Variants in LAMA1 observed in about 807,000 individuals in gnomAD.
LAMA1 encodes laminin subunit alpha-1.
Under a neutral mutation model 348.7 loss-of-function variants are expected in LAMA1, and 219 were observed. The ratio of observed to expected loss-of-function variants is 0.63; its 90% CI spans 0.56 to 0.70. The LOEUF is 0.70. Ranked by LOEUF, LAMA1 falls within the 30% of genes least tolerant of loss-of-function variation. The probability of loss-of-function intolerance (pLI) is 0.00; values close to 1 mark genes in which losing one functional copy is unlikely to be tolerated. For synonymous variants in LAMA1, 1,487 were observed against 1,491.0 expected (o/e 1.00, Z 0.06); for missense variants, 3,744 against 3,888.0 (o/e 0.96, Z 0.99).
intron 30 of LAMA1, among the ~76,000 whole-genome samples, chr18:7,001,265 G>A (rs1290509701): frequency 1.3e-5 from 2 of 151,994 alleles, no homozygotes; most frequent in Non-Finnish European, 2.9e-5. Flanking sequence ...TTCACTCTAG[G>A]AATGTAACAC....
Position 7,008,361 on chromosome 18 carries a change from T to C in LAMA1, c.4122+127A>G, listed in dbSNP as rs2057842702. The C allele has an allele frequency of 7.1e-6, 8 of 1,123,338 alleles. No homozygotes were observed. In the Admixed American group the frequency reaches 1.8e-4, roughly 26 times the overall value. 69.6% of individuals were successfully genotyped at this position (1,123,338 alleles called of 1,614,324 possible). A position where few individuals can be genotyped will look rare whatever the true frequency, so the allele number is the denominator to read the frequency against. ...TACATTTTACCAAAATTAATTTCTT[T>C]TTAATTCAAAAAGAGAAAAAAATGA... is the stretch of plus-strand genomic sequence containing the variant. On this transcript the variant is annotated intron_variant, in intron 28 of 62. Coordinates refer to ENST00000389658, the MANE Select transcript of LAMA1 (RefSeq NM_005559.4).
intron 3 of LAMA1, among the ~76,000 whole-genome samples, chr18:7,063,776 C>T (rs1043447372): frequency 5.3e-5 from 8 of 152,086 alleles, no homozygotes; most frequent in Non-Finnish European, 8.8e-5. Flanking sequence ...AATATGATTC[C>T]ACTTATGTAA....
chr18:7,101,840 A>ATT (rs34199422), intron 1 of LAMA1, among the ~76,000 whole-genome samples: 4 of 131,756 alleles, frequency 3.0e-5, no homozygotes, highest in Non-Finnish European at 4.8e-5. Flanking sequence ...GCTAATTTCT[A>ATT]TTTTTTTTTT....
chr18:7,106,581 A>G (rs1291512411), intron 1 of LAMA1, among the ~76,000 whole-genome samples: 3 of 151,964 alleles, frequency 2.0e-5, no homozygotes, highest in African/African-American at 7.2e-5. Flanking sequence ...GATGGTTTCG[A>G]GCTCTTGACC....
chr18:7,033,846 T>G (rs2057982444), intron 14 of LAMA1, among the ~76,000 whole-genome samples: 1 of 152,114 alleles, frequency 6.6e-6, no homozygotes, highest in Non-Finnish European at 1.5e-5. Context: ...ATGATTCTCA[T>G]GCCTCAGCCT....
intron 16 of LAMA1, among the ~76,000 whole-genome samples, chr18:7,027,339 T>C (rs569016894): frequency 4.2e-4 from 63 of 148,714 alleles, no homozygotes; most frequent in Middle Eastern, 7.2e-3. Flanking sequence ...AAAAACATAC[T>C]ATAATTAGAT....
intron 1 of LAMA1, among the ~76,000 whole-genome samples, chr18:7,099,032 A>C (rs974791706): frequency 7.2e-5 from 11 of 152,030 alleles, no homozygotes; most frequent in East Asian, 3.9e-4. Flanking sequence ...GAAAGGGGGG[A>C]AAGGCGGGGA....
At chr18:7,011,879 T>C (rs1321286023) in intron 24 of LAMA1, 116 bp downstream of exon 24, 11 of 1,269,538 alleles carry the variant, frequency 8.7e-6, no homozygotes, top group Non-Finnish European at 1.2e-5. Flanking sequence ...CTTCCTAGAA[T>C]TTTGGATGCC....
rs62619829 is a variant in LAMA1, at chr18:7,040,198, T to C, written c.1300A>G (p.Thr434Ala). Reference protein sequence around the residue: ...PGQCPCKEGYTGEKCDRCQLG... With the variant: ...PGQCPCKEGYAGEKCDRCQLG... ...TGGCAGCGATCACATTTTTCTCCTG[T>C]ATAACCTTCCTTACATGGGCACTGA... is the stretch of plus-strand genomic sequence containing the variant. The change falls in exon 10 of 63, where the codon ACA (threonine) becomes GCA (alanine). Residue 434 changes from threonine (T) to alanine (A), a missense_variant. Around this residue, in one of 3 missense-constraint regions of LAMA1, gnomAD observed 1,529 missense variants for 1,689.4 expected, o/e 0.91. Transcript: ENST00000389658. 2.5e-3 allele frequency: 3,998 copies of C among 1,614,078 alleles called. 74 individuals are homozygous for C. The African/African-American group carries it at 0.044, about 18-fold the overall frequency.
intron 1 of LAMA1, among the ~76,000 whole-genome samples, chr18:7,082,181 T>C (rs2058195746): frequency 6.6e-6 from 1 of 152,166 alleles, no homozygotes. Flanking sequence ...AAGGACCCCA[T>C]TCTGTCAATA....
intron 62 of LAMA1, 34 bp downstream of exon 62, chr18:6,943,146 C>T (rs779973880): frequency 3.2e-6 from 5 of 1,572,806 alleles, no homozygotes; most frequent in East Asian, 2.2e-5. Flanking sequence ...GGACAGTGCC[C>T]CTTTTGAGTG....
rs2057582372 is a variant in LAMA1, at chr18:6,957,035, C to T, written c.7965-270G>A. 6.9e-6 allele frequency: 3 copies of T among 432,588 alleles called. No individual in the cohort carries two copies. In the Admixed American group the frequency reaches 1.0e-4, roughly 15 times the overall value. 26.8% of individuals were successfully genotyped at this position (432,588 alleles called of 1,614,324 possible). A position where few individuals can be genotyped will look rare whatever the true frequency, so the allele number is the denominator to read the frequency against. On this transcript the variant is annotated intron_variant, in intron 55 of 62. Transcript: ENST00000389658. ...CATTCCTGAGCACCCCCCAGGTCAGCTCCGATGCCATCGCCTCCTCCTGCA... is the reference window on the plus strand; with the variant it reads ...CATTCCTGAGCACCCCCCAGGTCAGTTCCGATGCCATCGCCTCCTCCTGCA...
chr18:6,993,717 A>T lies in LAMA1; in HGVS notation c.4932T>A (p.Asn1644Lys). ...CCTTGAAGATTCTCTCAGTTGCCCT[A>T]TTCACCTTTTGGGTACTCGCTAACA... The part of the protein sequence containing the change: ...TRMLASTQKV[N>K]RATERIFKES... The change falls in exon 35 of 63, where the codon AAT becomes AAA. Residue 1644 changes from asparagine to lysine, a missense_variant. Asn to Lys is a moderately conservative substitution (Grantham distance 94, BLOSUM62 0). Around this residue, in one of 3 missense-constraint regions of LAMA1, gnomAD observed 1,983 missense variants for 1,934.3 expected, o/e 1.03. Coordinates refer to ENST00000389658, the MANE Select transcript of LAMA1 (RefSeq NM_005559.4). 6.2e-7 allele frequency: 1 copy of T among 1,614,042 alleles called. No individual in the cohort carries two copies. The highest frequency in any genetic ancestry group is 8.5e-7 in the Non-Finnish European group (1 of 1,179,922).
chr18:7,000,682 C>T (rs1260990227), intron 30 of LAMA1, among the ~76,000 whole-genome samples: 3 of 152,118 alleles, frequency 2.0e-5, no homozygotes. Flanking sequence ...ACCAATGTGC[C>T]ATCTAGAGGC....
intron 16 of LAMA1, among the ~76,000 whole-genome samples, chr18:7,027,015 A>G (rs1302687011): frequency 1.3e-5 from 2 of 152,208 alleles, no homozygotes; most frequent in Non-Finnish European, 2.9e-5. Flanking sequence ...TATTATTCAA[A>G]ATGCCAATAG....
At chr18:6,971,348 G>A (rs919816898) in intron 48 of LAMA1, among the ~76,000 whole-genome samples, 1 of 151,930 alleles carries the variant, frequency 6.6e-6, no homozygotes, top group Non-Finnish European at 1.5e-5. Flanking sequence ...AACTTGGTTC[G>A]GAATTGGAAA....
At chr18:7,055,853 G>C (rs546383136) in intron 3 of LAMA1, among the ~76,000 whole-genome samples, 3 of 151,790 alleles carry the variant, frequency 2.0e-5, no homozygotes, top group South Asian at 2.1e-4. Flanking sequence ...AGGCCGAGGC[G>C]GGCGGATCAC....
chr18:6,990,326 T>C (rs1302208294), intron 36 of LAMA1, among the ~76,000 whole-genome samples: 1 of 152,146 alleles, frequency 6.6e-6, no homozygotes, highest in Non-Finnish European at 1.5e-5. Context: ...ATGAATGAAC[T>C]GACCTCAGAA....
At chr18:6,980,430 A>G in intron 42 of LAMA1, 91 bp downstream of exon 42, 3 of 888,510 alleles carry the variant, frequency 3.4e-6, no homozygotes, top group Middle Eastern at 2.3e-4. Flanking sequence ...TAAAGCCTTT[A>G]TCAGTCTTGA....
Sources: allele counts gnomAD v4.1 joint callset (sites outside exome capture counted in the v4.1 genomes callset), GRCh38; gene constraint gnomAD v4.1.1; regional missense constraint gnomAD v4.1.1; transcripts MANE v1.5; gene names NCBI Gene and HGNC (gene_info 2026-07-23, HGNC 2026-07-21).